The following CAMK2B variants were observed in gnomAD, a reference collection of about 807,000 sequenced individuals.
CAMK2B encodes calcium/calmodulin dependent protein kinase II beta.
In CAMK2B, 27 loss-of-function variants were observed where a neutral mutation model predicts 93.7. That is an observed-to-expected ratio of 0.29 (90% CI 0.21 to 0.40). CAMK2B has a LOEUF of 0.40. Ranked by LOEUF, CAMK2B falls within the 10% of genes least tolerant of loss-of-function variation. The pLI is 1.00. For missense variants in CAMK2B, 568 were observed against 895.8 expected, an observed-to-expected ratio of 0.63 and a Z score of 4.67; for synonymous variants, 374 against 358.8, an observed-to-expected ratio of 1.04 and a Z score of -0.48.
rs748985577 is a variant in CAMK2B, at chr7:44,231,012, C to T, written c.1219G>A (p.Ala407Thr). ...AGGACTCAAGTGCAGGTACCTTTAG[C>T]GTCTTCATCCTCTATGGTGGTATTG... ...SANTTIEDED[A>T]KAPRVPDILS... Residue 407 changes from alanine to threonine, a missense_variant, in exon 17 of 24, where the codon GCT (alanine) becomes ACT (threonine). Physicochemically the swap from Ala to Thr is moderately conservative, Grantham distance 58. Transcript: ENST00000395749. 3.5e-5 allele frequency: 54 copies of T among 1,554,088 alleles called. No homozygotes were observed. The highest frequency in any genetic ancestry group is 1.8e-4 in the Admixed American group (9 of 51,334).
rs11379227 is a variant in CAMK2B, at chr7:44,219,283, G to GT, written c.*241dup. ...CTTTTTCCTTCCTTTAGTTTTTTTT[G>GT]TTTTTTTTTTTTTTCATTTCATCTG... On this transcript the variant is annotated 3_prime_UTR_variant, in exon 24 of 24. Coordinates refer to ENST00000395749, the MANE Select transcript of CAMK2B (RefSeq NM_001220.5). 28,247 of 81,552 alleles carry GT rather than the reference G, an allele frequency of 0.35. 3,872 individuals carry two copies. Among genetic ancestry groups the GT allele is most frequent in the African/African-American group, 0.38 (7,934 of 20,686 alleles). 5.1% of individuals were successfully genotyped at this position (81,552 alleles called of 1,614,324 possible).
At position 44,218,416 on chromosome 7, in the gene CAMK2B, C is replaced by T. The variant is rs768398474; in HGVS notation, c.*1109G>A. 6.6e-6 allele frequency: 1 copy of T among 152,324 alleles called. No homozygotes were observed. Among genetic ancestry groups the T allele is most frequent in the Admixed American group, 6.5e-5 (1 of 15,294 alleles). The allele number at this position is 152,324 out of a possible 1,614,324, so 9.4% of individuals were successfully genotyped here. On this transcript the variant is annotated 3_prime_UTR_variant, in exon 24 of 24. Transcript: ENST00000395749. ...AATATGCCCAGACACAAAGCCTGGC[C>T]TCCCCTCCCAGCTTCAGCTGGGGGC...
At chr7:44,234,563 C>T in intron 14 of CAMK2B, 76 bp downstream of exon 14, 1 of 1,597,460 alleles carries the variant, frequency 6.3e-7, no homozygotes, top group Non-Finnish European at 8.6e-7. Context: ...GACTCCAGAG[C>T]AGGAGCCCCA....
intron 8 of CAMK2B, 132 bp downstream of exon 8, chr7:44,243,118 T>G (rs978026039): frequency 1.4e-6 from 1 of 695,788 alleles, no homozygotes; most frequent in Non-Finnish European, 2.5e-6. Context: ...CCAGGGCAGC[T>G]CAAGGGCAGG....
chr7:44,306,758 G>GGGGGAGGAGGATGCGAGCA (rs1202956223), intron 1 of CAMK2B, among the ~76,000 whole-genome samples: 1 of 151,122 alleles, frequency 6.6e-6, no homozygotes, highest in African/African-American at 2.4e-5. Context: ...GGTGTGGGCA[G>GGGGGAGGAGGATGCGAGCA]GGGGAGGAGG....
At chr7:44,314,958 A>G (rs1794493782) in intron 1 of CAMK2B, among the ~76,000 whole-genome samples, 1 of 152,188 alleles carries the variant, frequency 6.6e-6, no homozygotes, top group Non-Finnish European at 1.5e-5. Context: ...AAAGTTCTTA[A>G]AGTATTCTGA....
chr7:44,243,073 G>A (rs1221705219), intron 8 of CAMK2B, among the ~76,000 whole-genome samples, 177 bp downstream of exon 8: 1 of 152,240 alleles, frequency 6.6e-6, no homozygotes, highest in Non-Finnish European at 1.5e-5. Context: ...AATCTGGGTG[G>A]AAAGGGGGCT....
chr7:44,235,484 A>G (rs1311605084), intron 13 of CAMK2B, among the ~76,000 whole-genome samples: 2 of 152,242 alleles, frequency 1.3e-5, no homozygotes, highest in South Asian at 2.1e-4. Context: ...GATTTTAATT[A>G]CAGAACTAAA....
At chr7:44,274,055 T>A (rs1361951558) in intron 2 of CAMK2B, among the ~76,000 whole-genome samples, 2 of 152,168 alleles carry the variant, frequency 1.3e-5, no homozygotes, top group African/African-American at 2.4e-5. Context: ...CACCTCCGGA[T>A]GAGAGCATCT....
Position 44,225,737 on chromosome 7 carries a change from A to G in CAMK2B, c.1597+779T>C, listed in dbSNP as rs982006941. The G allele has an allele frequency of 7.8e-7, 1 of 1,288,568 alleles. No homozygotes were observed. The highest frequency in any genetic ancestry group is 1.5e-5 in the African/African-American group (1 of 65,602). 79.8% of individuals were successfully genotyped at this position (1,288,568 alleles called of 1,614,324 possible). On this transcript the variant is annotated intron_variant, in intron 20 of 23. Coordinates refer to ENST00000395749, the MANE Select transcript of CAMK2B (RefSeq NM_001220.5). This position sits in a 1 kb window ranked among gnomAD's most constrained non-coding sequence, Gnocchi z 5.0. ...CTGCAGAGGGGACGGTGGCAAGCAG[A>G]CCCCACCTGTCCCTCAAGTACTTAC...
At chr7:44,239,881 C>T (rs2096660058) in intron 12 of CAMK2B, among the ~76,000 whole-genome samples, 1 of 152,002 alleles carries the variant, frequency 6.6e-6, no homozygotes, top group African/African-American at 2.4e-5. Flanking sequence ...CCTTAGAAAA[C>T]CCCAGTGGGG....
intron 13 of CAMK2B, among the ~76,000 whole-genome samples, chr7:44,239,107 A>G (rs1361350049): frequency 3.3e-5 from 5 of 152,226 alleles, no homozygotes; most frequent in Non-Finnish European, 7.3e-5. Context: ...GGGGATGCTC[A>G]GGGCAGACAT....
In CAMK2B at chr7:44,224,152, C is replaced by T. The variant is rs527966590; in HGVS notation, c.1597+2364G>A. 8.0e-4 allele frequency among the ~76,000 whole-genome samples: 122 copies of T among 152,294 alleles called. 1 individual carries two copies. Among genetic ancestry groups the T allele is most frequent in the African/African-American group, 2.7e-3 (111 of 41,560 alleles). ...CAGAGTTCCAATCAAGAGTGGTAAC[C>T]GTGCTGAAGTACGGGAAGCAGGTCC... is the stretch of plus-strand genomic sequence containing the variant. On this transcript the variant is annotated intron_variant, in intron 20 of 23. Transcript: ENST00000395749. This position sits in a 1 kb window ranked among gnomAD's most constrained non-coding sequence, Gnocchi z 4.4.
rs2096393747 is a variant in CAMK2B, at chr7:44,220,887, TCTC to T, written c.1609_1611del (p.Glu537del). On this transcript the variant is annotated inframe_deletion, in exon 21 of 24. Transcript: ENST00000395749. Reference sequence around the variant, plus strand: ...ATGAGCTGCTCCGTGGTCTTAATGATCTCCTGCTTCCGGGCTGTGGGGAGACAT... The same window carrying T: ...ATGAGCTGCTCCGTGGTCTTAATGATCTGCTTCCGGGCTGTGGGGAGACAT... 1.9e-6 allele frequency: 3 copies of T among 1,569,438 alleles called. No homozygotes were observed. The highest frequency in any genetic ancestry group is 2.7e-5 in the African/African-American group (2 of 74,020).
intron 2 of CAMK2B, among the ~76,000 whole-genome samples, chr7:44,265,898 C>A (rs1031429659): frequency 1.3e-5 from 2 of 151,970 alleles, no homozygotes; most frequent in African/African-American, 4.8e-5. Flanking sequence ...AACCATGACA[C>A]AAGATCTAAG....
intron 11 of CAMK2B, among the ~76,000 whole-genome samples, chr7:44,241,348 C>T (rs536246635): frequency 8.5e-5 from 13 of 152,338 alleles, no homozygotes; most frequent in Admixed American, 4.6e-4. Flanking sequence ...CTGTCTGAGC[C>T]GGAAGCTTCG....
At chr7:44,308,999 G>A (rs1316179500) in intron 1 of CAMK2B, among the ~76,000 whole-genome samples, 1 of 152,216 alleles carries the variant, frequency 6.6e-6, no homozygotes, top group African/African-American at 2.4e-5. Flanking sequence ...AGCCCTGTCA[G>A]GGGGGTTGTG....
In CAMK2B at chr7:44,234,695, G is replaced by A. The variant is rs2096609617; in HGVS notation, c.1022-19C>T. The A allele has an allele frequency of 2.5e-6, 4 of 1,613,884 alleles. No homozygotes were observed. Among genetic ancestry groups the A allele is most frequent in the Non-Finnish European group, 3.4e-6 (4 of 1,179,796 alleles). ...CTCTTGGCTGCTGCATGGGGAGGAA[G>A]AAGGTATGGTGAGTGATGGGCCTGG... is the stretch of plus-strand genomic sequence containing the variant. On this transcript the variant is annotated intron_variant, in intron 13 of 23. Coordinates refer to ENST00000395749, the MANE Select transcript of CAMK2B (RefSeq NM_001220.5).
At chr7:44,300,020 CTGTGTGTG>C (rs143590426) in intron 1 of CAMK2B, among the ~76,000 whole-genome samples, 56 of 141,708 alleles carry the variant, frequency 4.0e-4, no homozygotes, top group South Asian at 9.3e-4. Context: ...GTGTATGTGT[CTGTGTGTG>C]TGTGTGTGTG....
Sources: allele counts gnomAD v4.1 joint callset (sites outside exome capture counted in the v4.1 genomes callset), GRCh38; gene constraint gnomAD v4.1.1; non-coding constraint Gnocchi (gnomAD v3.1); transcripts MANE v1.5; gene names NCBI Gene and HGNC (gene_info 2026-07-23, HGNC 2026-07-21).